Variants in LINGO2 observed in about 807,000 individuals in gnomAD.
LINGO2 encodes leucine rich repeat and Ig domain containing 2, also known as leucine-rich repeat and immunoglobulin-like domain-containing nogo receptor-interacting protein 2.
LINGO2 carries 14 observed loss-of-function variants against 30.6 expected under a neutral mutation model. The ratio of observed to expected loss-of-function variants is 0.46; its 90% CI spans 0.30 to 0.72. The LOEUF (loss-of-function observed/expected upper bound fraction) is 0.72, where lower values mean the gene tolerates loss of function less well. Among genes scored for constraint, LINGO2 ranks in the 30% least tolerant of loss-of-function variants. The pLI, the probability that LINGO2 is intolerant of heterozygous loss-of-function variation, is 0.07. For missense variants in LINGO2, 729 were observed against 751.7 expected (o/e 0.97, Z 0.35); for synonymous variants, 317 against 288.5 (o/e 1.10, Z -1.00).
At chr9:28,339,624 G>T (rs1825701823) in intron 3 of LINGO2, among the ~76,000 whole-genome samples, 1 of 152,034 alleles carries the variant, frequency 6.6e-6, no homozygotes, top group African/African-American at 2.4e-5. Context: ...GTAATATTAG[G>T]ATCTATCGAC....
chr9:28,510,450 A>C (rs1490260871), intron 1 of LINGO2, among the ~76,000 whole-genome samples: 1 of 152,174 alleles, frequency 6.6e-6, no homozygotes, highest in Non-Finnish European at 1.5e-5. Flanking sequence ...ATTAAGTAAA[A>C]ATGAATGATG....
chr9:29,147,247 A>G, the LINGO2 span, among the ~76,000 whole-genome samples: 1 of 152,176 alleles, frequency 6.6e-6, no homozygotes, highest in Non-Finnish European at 1.5e-5. Context: ...CATCAAAGCA[A>G]CCTGTGAGAC....
At position 27,972,792 on chromosome 9, in the gene LINGO2, G is replaced by A. The variant is rs372844758; in HGVS notation, c.-35-22086C>T. On this transcript the variant is annotated intron_variant, in intron 5 of 5. Transcript: ENST00000379992. ...CTGATTTCCTCACCACTGCCACAAA[G>A]GACATTGATAGTTACATTCAAACTG... Among the ~76,000 whole-genome samples, 125 of 152,234 alleles carry A rather than the reference G, an allele frequency of 8.2e-4. 1 individual carries two copies. In the South Asian group the frequency reaches 0.023, roughly 28 times the overall value.
chr9:28,071,819 A>G (rs549669288), intron 4 of LINGO2, among the ~76,000 whole-genome samples: 8 of 152,226 alleles, frequency 5.3e-5, no homozygotes, highest in African/African-American at 1.9e-4. Context: ...GATATAAAAT[A>G]TTGATATAAA....
chr9:28,579,383 C>T (rs558158080), intron 1 of LINGO2, among the ~76,000 whole-genome samples: 3 of 151,814 alleles, frequency 2.0e-5, no homozygotes, highest in Non-Finnish European at 4.4e-5. Context: ...TTAAGGAAAC[C>T]GTATTGGTCA....
intron 4 of LINGO2, among the ~76,000 whole-genome samples, chr9:28,125,134 C>T (rs905718333): frequency 6.6e-6 from 1 of 152,186 alleles, no homozygotes; most frequent in Non-Finnish European, 1.5e-5. Flanking sequence ...TTCAGCAAAA[C>T]ACTGGGGATA....
intron 2 of LINGO2, among the ~76,000 whole-genome samples, chr9:28,373,975 C>T (rs576912943): frequency 6.6e-6 from 1 of 151,078 alleles, no homozygotes; most frequent in South Asian, 2.1e-4. Flanking sequence ...GCAGGCATGA[C>T]ACAACCAGGC....
intron 4 of LINGO2, among the ~76,000 whole-genome samples, chr9:28,261,323 T>C (rs1230664214): frequency 6.6e-6 from 1 of 151,978 alleles, no homozygotes; most frequent in Non-Finnish European, 1.5e-5. Flanking sequence ...TTACTCTTTT[T>C]GCAGCCATGC....
chr9:28,820,501 C>A, the LINGO2 span, among the ~76,000 whole-genome samples: 1 of 152,162 alleles, frequency 6.6e-6, no homozygotes, highest in Non-Finnish European at 1.5e-5. Flanking sequence ...AAGCATCAGT[C>A]AAGGTCAGAA....
intron 1 of LINGO2, among the ~76,000 whole-genome samples, chr9:28,562,286 CT>C (rs563489778): frequency 1.1e-3 from 160 of 151,930 alleles, no homozygotes; most frequent in African/African-American, 3.6e-3. Context: ...AAGCATTGTT[CT>C]TTTTTTCCTC....
chr9:29,140,256 T>C, the LINGO2 span, among the ~76,000 whole-genome samples: 1 of 151,976 alleles, frequency 6.6e-6, no homozygotes, highest in Non-Finnish European at 1.5e-5. Context: ...GTATGAATTA[T>C]CTAACAAAGG....
chr9:28,467,048 C>T (rs768072456), intron 2 of LINGO2, among the ~76,000 whole-genome samples: 16 of 145,194 alleles, frequency 1.1e-4, no homozygotes, highest in Admixed American at 3.4e-4. Context: ...GGGGGGGGGA[C>T]GGAGTCTCGC....
At chr9:29,175,637 C>T in the LINGO2 span, among the ~76,000 whole-genome samples, 15 of 150,754 alleles carry the variant, frequency 9.9e-5, no homozygotes, top group South Asian at 3.1e-3. Flanking sequence ...AGCGATTATC[C>T]TGTCTCAGTC....
At chr9:28,870,314 C>T in the LINGO2 span, among the ~76,000 whole-genome samples, 5 of 151,978 alleles carry the variant, frequency 3.3e-5, no homozygotes, top group African/African-American at 1.2e-4. Flanking sequence ...TCTTCCAGTC[C>T]ACCTGTACTT....
At chr9:29,112,451 A>T in the LINGO2 span, among the ~76,000 whole-genome samples, 1 of 152,142 alleles carries the variant, frequency 6.6e-6, no homozygotes, top group African/African-American at 2.4e-5. Flanking sequence ...ATGAATAATA[A>T]ATGAAGAATG....
At chr9:28,898,648 ATGGG>A in the LINGO2 span, among the ~76,000 whole-genome samples, 1 of 152,124 alleles carries the variant, frequency 6.6e-6, no homozygotes, top group Non-Finnish European at 1.5e-5. Flanking sequence ...ATTTATAGGA[ATGGG>A]AGTTGCTTTC....
At chr9:28,439,729 C>T (rs1300311118) in intron 2 of LINGO2, among the ~76,000 whole-genome samples, 1 of 152,140 alleles carries the variant, frequency 6.6e-6, no homozygotes. Flanking sequence ...GCCTGCAGAA[C>T]GATGAGCCAA....
At chr9:28,707,587 T>C in the LINGO2 span, among the ~76,000 whole-genome samples, 10 of 152,116 alleles carry the variant, frequency 6.6e-5, no homozygotes, top group African/African-American at 2.2e-4. Flanking sequence ...TTCATTTTTG[T>C]CTCACACTAT....
chr9:28,754,958 G>A, the LINGO2 span, among the ~76,000 whole-genome samples: 1 of 151,830 alleles, frequency 6.6e-6, no homozygotes, highest in Non-Finnish European at 1.5e-5. Context: ...ATAAACAGTT[G>A]TTTCAGTACA....
Sources: allele counts gnomAD v4.1 joint callset (sites outside exome capture counted in the v4.1 genomes callset), GRCh38; gene constraint gnomAD v4.1.1; transcripts MANE v1.5; gene names NCBI Gene and HGNC (gene_info 2026-07-23, HGNC 2026-07-21).